The following BCCIP variants were observed in gnomAD, a reference collection of about 807,000 sequenced individuals.
BCCIP encodes the protein BRCA2 and CDKN1A-interacting protein.
In BCCIP, 23 loss-of-function variants were observed where a neutral mutation model predicts 32.8. The observed-to-expected ratio is 0.70, with a 90% CI of 0.51 to 0.99. BCCIP has a LOEUF of 0.99. Among genes scored for constraint, BCCIP ranks in the 50% least tolerant of loss-of-function variants. BCCIP has a pLI of 0.00. For synonymous variants in BCCIP, 144 were observed against 137.6 expected, an observed-to-expected ratio of 1.05 and a Z score of -0.33; for missense variants, 378 against 379.8, an observed-to-expected ratio of 1.00 and a Z score of 0.04.
chr10:125,841,218 A>C (rs372830154), downstream of BCCIP: 1 of 1,595,124 alleles, frequency 6.3e-7, no homozygotes, highest in African/African-American at 1.3e-5. Flanking sequence ...TCTAAGGTCA[A>C]CTGAATATGG....
exon 8 of BCCIP, chr10:125,853,600 T>G (rs1398304530): frequency 1.4e-5 from 3 of 216,794 alleles, no homozygotes; most frequent in African/African-American, 6.9e-5. Flanking sequence ...TCCAGTAAAT[T>G]GTTCATAAGA....
chr10:125,844,855 C>T (rs1350942681), downstream of BCCIP, among the ~76,000 whole-genome samples: 1 of 152,188 alleles, frequency 6.6e-6, no homozygotes, highest in Non-Finnish European at 1.5e-5. Context: ...CGCTTGCCAG[C>T]GGCAGCTGTA....
At chr10:125,836,733 A>C (rs748920499), downstream of BCCIP, 2 of 1,614,118 alleles carry the variant, frequency 1.2e-6, no homozygotes, top group Admixed American at 3.3e-5. Context: ...CGTCTCACAC[A>C]TTTGCTGTTC....
At chr10:125,838,106 T>G, downstream of BCCIP, 3 of 1,148,742 alleles carry the variant, frequency 2.6e-6, no homozygotes, top group South Asian at 1.6e-5. Flanking sequence ...ATTGCATCAG[T>G]ATAAACTTTA....
chr10:125,829,676 G>T (rs187295734), intron 3 of BCCIP, among the ~76,000 whole-genome samples: 1 of 152,314 alleles, frequency 6.6e-6, no homozygotes, highest in East Asian at 1.9e-4. Context: ...AACCTATGGG[G>T]CATTCCTTTT....
rs1485388631 is a variant in BCCIP at position 125,836,187 on chromosome 10, A to G, written c.858A>G (p.Pro286=). The change falls in exon 7 of 7, where the codon CCA becomes CCG. Residue 286 remains proline, a synonymous_variant. Coordinates refer to ENST00000278100, the MANE Select transcript of BCCIP (RefSeq NM_078468.3). ...GCAAATGGTCTTTTGATGACGTACC[A>G]ATGACGCCCTTGCGAACTGTGATGT... ...LGGKWSFDDV[P]MTPLRTVMLI... is the part of the protein sequence containing the mutation. The G allele has an allele frequency of 6.2e-7, 1 of 1,614,122 alleles. No individual in the cohort carries two copies. The highest frequency in any genetic ancestry group is 8.5e-7 in the Non-Finnish European group (1 of 1,180,044).
downstream of BCCIP, chr10:125,841,131 G>T (rs1447362951): frequency 2.2e-6 from 3 of 1,367,972 alleles, no homozygotes; most frequent in Non-Finnish European, 3.0e-6. Flanking sequence ...TGTTATTCTT[G>T]TTTACTTAGA....
At chr10:125,832,666 C>T (rs114087978) in intron 5 of BCCIP, among the ~76,000 whole-genome samples, 2,073 of 152,088 alleles carry the variant, frequency 0.014, 50 homozygotes, top group African/African-American at 0.046. Context: ...CAGTGGTGCA[C>T]GCCTGTAGTC....
intron 6 of BCCIP, 31 bp from the exon 7 acceptor site, chr10:125,836,073 T>G (rs371010900): frequency 1.3e-6 from 2 of 1,581,632 alleles, no homozygotes; most frequent in South Asian, 2.2e-5. Context: ...GTTGTCCCGA[T>G]TTTTAATTCA....
At chr10:125,853,270 T>G (rs1202153174) in exon 8 of BCCIP, 3 of 1,463,210 alleles carry the variant, frequency 2.1e-6, no homozygotes, top group East Asian at 2.3e-5. Flanking sequence ...AGGAGGCTCA[T>G]AGTCTCCTGG....
downstream of BCCIP, among the ~76,000 whole-genome samples, chr10:125,838,719 C>G (rs757733764): frequency 9.2e-5 from 14 of 152,272 alleles, no homozygotes; most frequent in South Asian, 2.1e-4. Flanking sequence ...GTGCTTTACA[C>G]TTGGTGTGTA....
chr10:125,842,003 T>C (rs755039736), exon 7 of BCCIP: 5 of 1,450,492 alleles, frequency 3.4e-6, no homozygotes, highest in Non-Finnish European at 4.5e-6. Context: ...GTACTGGACT[T>C]TTCCCTCCTG....
At chr10:125,824,194 T>G (rs1564815607) in intron 1 of BCCIP, among the ~76,000 whole-genome samples, 2 of 152,192 alleles carry the variant, frequency 1.3e-5, no homozygotes, top group African/African-American at 4.8e-5. Flanking sequence ...CAGTTTTCCC[T>G]TCCTTCTTCA....
At chr10:125,829,538 C>T (rs1393731503) in intron 3 of BCCIP, among the ~76,000 whole-genome samples, 1 of 152,206 alleles carries the variant, frequency 6.6e-6, no homozygotes, top group Non-Finnish European at 1.5e-5. Flanking sequence ...ACTTTTACAC[C>T]ACTAAAATTC....
At chr10:125,852,663 T>C in intron 7 of BCCIP, 1 of 1,584,198 alleles carries the variant, frequency 6.3e-7, no homozygotes, top group Non-Finnish European at 8.6e-7. Context: ...AAAGACAGCA[T>C]CATTAGCGTC....
chr10:125,831,354 ACT>A, intron 4 of BCCIP, 64 bp from the exon 5 acceptor site: 1 of 1,478,618 alleles, frequency 6.8e-7, no homozygotes, highest in East Asian at 2.3e-5. Flanking sequence ...GATAGCTTTT[ACT>A]CTCAGGTTTT....
chr10:125,840,787 T>C (rs1217744976), downstream of BCCIP: 6 of 1,503,280 alleles, frequency 4.0e-6, no homozygotes, highest in Admixed American at 1.3e-4. Flanking sequence ...TAATAAGGAC[T>C]CAGACTTATC....
In BCCIP at chr10:125,827,426, C is replaced by G. The variant is rs561334770; in HGVS notation, c.241-132C>G. The stretch of plus-strand genomic sequence containing the variant: ...TTGACTCTCCTGGGCTTTTCTTTCC[C>G]TCTTGGGGTTGCTTTTCTAGATCAT... On this transcript the variant is annotated intron_variant, in intron 2 of 6. Coordinates refer to ENST00000278100, the MANE Select transcript of BCCIP (RefSeq NM_078468.3). 450 of 571,102 alleles carry G rather than the reference C, an allele frequency of 7.9e-4. 3 individuals carry two copies. The highest frequency in any genetic ancestry group is 5.8e-3 in the Middle Eastern group (12 of 2,052). The allele number at this position is 571,102 out of a possible 1,614,324, so 35.4% of individuals were successfully genotyped here.
downstream of BCCIP, among the ~76,000 whole-genome samples, chr10:125,840,329 C>G (rs923682647): frequency 6.6e-6 from 1 of 152,220 alleles, no homozygotes; most frequent in Non-Finnish European, 1.5e-5. Context: ...ATTCTCTTCT[C>G]TGGACACCCT....
Sources: gnomAD v4.1 joint callset for allele counts (sites outside exome capture counted in the v4.1 genomes callset) on GRCh38, gnomAD v4.1.1 for gene constraint, MANE v1.5 for transcripts, NCBI Gene and HGNC (gene_info 2026-07-23, HGNC 2026-07-21) for gene names.